The following CACNA2D1 variants were observed in gnomAD, a reference collection of about 807,000 sequenced individuals.
The protein encoded by CACNA2D1 is calcium voltage-gated channel auxiliary subunit alpha2delta 1.
Under a neutral mutation model 171.5 loss-of-function variants are expected in CACNA2D1, and 53 were observed. The ratio of observed to expected loss-of-function variants is 0.31; its 90% CI spans 0.25 to 0.39. The LOEUF is 0.39. CACNA2D1 is among the 10% of genes least tolerant of loss of function. CACNA2D1 has a pLI of 1.00. For synonymous variants in CACNA2D1, 442 were observed against 443.1 expected (o/e 1.00, Z 0.03); for missense variants, 903 against 1,299.8 (o/e 0.69, Z 4.69).
intron 3 of CACNA2D1, among the ~76,000 whole-genome samples, chr7:82,223,855 T>C (rs990798384): frequency 6.6e-6 from 1 of 152,164 alleles, no homozygotes; most frequent in African/African-American, 2.4e-5. Context: ...ATCCAATGGC[T>C]TCCCTTGGTC....
chr7:82,002,685 G>T (rs1000594902), intron 18 of CACNA2D1, among the ~76,000 whole-genome samples: 2 of 152,100 alleles, frequency 1.3e-5, no homozygotes, highest in Non-Finnish European at 2.9e-5. Context: ...CTACTTCAAT[G>T]ACACAAAACG....
At chr7:82,158,900 T>C (rs1447385820) in intron 4 of CACNA2D1, among the ~76,000 whole-genome samples, 4 of 151,944 alleles carry the variant, frequency 2.6e-5, no homozygotes, top group Admixed American at 2.0e-4. Flanking sequence ...TAGAGTCAGA[T>C]GCACAGTAAA....
intron 1 of CACNA2D1, among the ~76,000 whole-genome samples, chr7:82,404,260 A>G (rs185568087): frequency 1.3e-5 from 2 of 152,336 alleles, no homozygotes; most frequent in East Asian, 1.9e-4. Context: ...TCTGGTTGCA[A>G]TGAGGACACA....
chr7:82,114,136 T>C (rs1390972749), intron 6 of CACNA2D1, among the ~76,000 whole-genome samples: 1 of 152,182 alleles, frequency 6.6e-6, no homozygotes, highest in Non-Finnish European at 1.5e-5. Flanking sequence ...ACAAATTAAT[T>C]TGTGTATGTA....
chr7:82,116,839 A>C (rs1789103742), intron 6 of CACNA2D1, among the ~76,000 whole-genome samples: 1 of 152,230 alleles, frequency 6.6e-6, no homozygotes, highest in Non-Finnish European at 1.5e-5. Context: ...CTGTCCTACA[A>C]ATATTCGTTT....
At chr7:82,159,475 C>T (rs1224433850) in intron 4 of CACNA2D1, among the ~76,000 whole-genome samples, 1 of 151,686 alleles carries the variant, frequency 6.6e-6, no homozygotes. Context: ...TTCAGGAATC[C>T]GTCCATATCC....
At position 81,971,253 on chromosome 7, in the gene CACNA2D1, A is replaced by G. The variant is rs574983114; in HGVS notation, c.2142-516T>C. On this transcript the variant is annotated intron_variant, in intron 26 of 38. Coordinates refer to ENST00000356860, the MANE Select transcript of CACNA2D1 (RefSeq NM_000722.4). ...TGAGTTGTATGGAGAATTGTCTAGA[A>G]GCTGCATGTGGAGGAATGGAGAACA... 2.0e-5 allele frequency among the ~76,000 whole-genome samples: 3 copies of G among 151,730 alleles called. No homozygotes were observed. In the South Asian group the frequency reaches 6.2e-4, roughly 31 times the overall value.
rs558855959 is a variant in CACNA2D1, at chr7:82,188,085, A to G, written c.295-17476T>C. On this transcript the variant is annotated intron_variant, in intron 3 of 38. Transcript: ENST00000356860. ...TGAGGGAGCTCTCTGGGGTCTCTTT[A>G]TAAGAGCACTAATCACATTTGTGAA... Among the ~76,000 whole-genome samples the G allele has an allele frequency of 3.3e-5, 5 of 152,266 alleles. No individual in the cohort carries two copies. The South Asian group carries it at 8.3e-4, about 25-fold the overall frequency.
chr7:82,355,559 C>T (rs1004263051), intron 1 of CACNA2D1, among the ~76,000 whole-genome samples: 5 of 152,088 alleles, frequency 3.3e-5, no homozygotes, highest in African/African-American at 1.2e-4. Context: ...TTTCCGTATG[C>T]AGTCAAGGTA....
intron 6 of CACNA2D1, among the ~76,000 whole-genome samples, chr7:82,099,419 CTTCTTTTTTTTTTTTT>C (rs1812357749): frequency 2.2e-4 from 11 of 50,526 alleles, no homozygotes; most frequent in Non-Finnish European, 4.4e-4. Flanking sequence ...GTAGCAATAC[CTTCTTTTTTTTTTTTT>C]TTTTTTTTTT....
chr7:82,440,625 C>T (rs1830428528), intron 1 of CACNA2D1, among the ~76,000 whole-genome samples: 1 of 151,772 alleles, frequency 6.6e-6, no homozygotes, highest in Admixed American at 6.6e-5. Context: ...ATCAAAATTT[C>T]CTTGTCTGAA....
intron 3 of CACNA2D1, among the ~76,000 whole-genome samples, chr7:82,282,578 T>G (rs1244343929): frequency 1.3e-5 from 2 of 152,160 alleles, no homozygotes; most frequent in East Asian, 3.9e-4. Flanking sequence ...CCCAGTATAC[T>G]TAACCTAAGT....
In CACNA2D1 at chr7:82,405,743, CAA is replaced by C. The variant is rs545377364; in HGVS notation, c.95+37620_95+37621del. On this transcript the variant is annotated intron_variant, in intron 1 of 38. Coordinates refer to ENST00000356860, the MANE Select transcript of CACNA2D1 (RefSeq NM_000722.4). ...TGGAATACATTCTCCAACCCATCAT[CAA>C]AGTGTGTCACATCCTCACTCTTTCC... Among the ~76,000 whole-genome samples, 8 of 152,262 alleles carry C rather than the reference CAA, an allele frequency of 5.3e-5. No homozygotes were observed. In the South Asian group the frequency reaches 1.7e-3, roughly 32 times the overall value.
chr7:82,242,940 G>C (rs1804493254), intron 3 of CACNA2D1, among the ~76,000 whole-genome samples: 1 of 152,038 alleles, frequency 6.6e-6, no homozygotes, highest in Non-Finnish European at 1.5e-5. Flanking sequence ...AATAATCATT[G>C]TACCATGAAA....
At chr7:82,276,916 T>C (rs1269791769) in intron 3 of CACNA2D1, among the ~76,000 whole-genome samples, 3 of 151,676 alleles carry the variant, frequency 2.0e-5, no homozygotes, top group Admixed American at 2.0e-4. Context: ...AACCAGCTAA[T>C]TTTTGTATTT....
At chr7:82,110,183 T>C (rs1788209063) in intron 6 of CACNA2D1, among the ~76,000 whole-genome samples, 1 of 152,340 alleles carries the variant, frequency 6.6e-6, no homozygotes, top group Non-Finnish European at 1.5e-5. Context: ...TCCCGCAGCT[T>C]TCCATTTATG....
intron 3 of CACNA2D1, among the ~76,000 whole-genome samples, chr7:82,258,606 G>A (rs1014460871): frequency 1.3e-5 from 2 of 152,142 alleles, no homozygotes; most frequent in Non-Finnish European, 2.9e-5. Context: ...AAACAGTTGT[G>A]CATGGCAAGA....
At chr7:82,443,219 G>C (rs1206499850) in intron 1 of CACNA2D1, 146 bp downstream of exon 1, 6 of 691,012 alleles carry the variant, frequency 8.7e-6, no homozygotes, top group Non-Finnish European at 1.3e-5. Flanking sequence ...CCGCCTGCCC[G>C]GCGTCTCCGC....
intron 6 of CACNA2D1, among the ~76,000 whole-genome samples, chr7:82,098,793 T>G (rs1036801184): frequency 1.3e-5 from 2 of 152,166 alleles, no homozygotes; most frequent in African/African-American, 2.4e-5. Context: ...TAAAACTGCA[T>G]CAGAACTCAA....
Sources: gnomAD v4.1 joint callset for allele counts (sites outside exome capture counted in the v4.1 genomes callset) on GRCh38, gnomAD v4.1.1 for gene constraint, MANE v1.5 for transcripts, NCBI Gene and HGNC (gene_info 2026-07-23, HGNC 2026-07-21) for gene names.